USP20: variants seen among roughly 807,000 people sequenced by gnomAD.
USP20 encodes ubiquitin carboxyl-terminal hydrolase 20.
USP20 carries 80 observed loss-of-function variants against 124.2 expected under a neutral mutation model. The observed-to-expected ratio is 0.64, with a 90% confidence interval of 0.54 to 0.78. USP20 has a LOEUF of 0.78. Among genes scored for constraint, USP20 ranks in the 30% least tolerant of loss-of-function variants. The pLI is 0.00. For missense variants in USP20, 1,043 were observed against 1,244.4 expected (o/e 0.84, Z 2.44); for synonymous variants, 481 against 512.3 (o/e 0.94, Z 0.83).
At chr9:129,862,414 G>C (rs187607853) in intron 8 of USP20, among the ~76,000 whole-genome samples, 464 of 152,216 alleles carry the variant, frequency 3.0e-3, no homozygotes, top group Middle Eastern at 0.01. Flanking sequence ...CTAGCTGGAC[G>C]TGGTGGCACG....
At chr9:129,837,086 C>T (rs2031899569) in intron 1 of USP20, among the ~76,000 whole-genome samples, 2 of 152,196 alleles carry the variant, frequency 1.3e-5, no homozygotes, top group African/African-American at 4.8e-5. Flanking sequence ...CAGTGATAAC[C>T]ACCACCTGTG....
At chr9:129,867,387 CA>C (rs2033870075) in intron 10 of USP20, among the ~76,000 whole-genome samples, 1 of 152,164 alleles carries the variant, frequency 6.6e-6, no homozygotes, top group South Asian at 2.1e-4. Context: ...AGGCAGCCTG[CA>C]GGGGCAGCTT....
In USP20 at chr9:129,873,690, C is replaced by T. The variant is rs1398651206; in HGVS notation, c.1695-9C>T. The T allele has an allele frequency of 1.2e-6, 2 of 1,613,610 alleles. No homozygotes were observed. Among genetic ancestry groups the T allele is most frequent in the Non-Finnish European group, 1.7e-6 (2 of 1,180,026 alleles). On this transcript the variant is annotated splice_polypyrimidine_tract_variant and intron_variant, in intron 16 of 25. Transcript: ENST00000372429. ...CGGACACTGATGCTGGCTCGTGCTT[C>T]CTCCCCAGGCTGCGGAACGGAGTGA...
In USP20 at chr9:129,868,463, G is replaced by A. The variant is rs752344729; in HGVS notation, c.1135+14G>A. ...GCCGGACGCCAGGTATCAGCTGGCC[G>A]GGGACTGCGGGAGGAACCTCAGCCT... On this transcript the variant is annotated intron_variant, in intron 11 of 25. Coordinates refer to ENST00000372429, the MANE Select transcript of USP20 (RefSeq NM_001110303.4). 194 of 1,604,154 alleles carry A rather than the reference G, an allele frequency of 1.2e-4. No individual in the cohort carries two copies. The highest frequency in any genetic ancestry group is 1.4e-4 in the Non-Finnish European group (164 of 1,174,842).
In USP20 at chr9:129,880,176, G is replaced by A. The variant is rs762371533; in HGVS notation, c.2648G>A (p.Gly883Asp). The A allele has an allele frequency of 8.1e-6, 13 of 1,613,814 alleles. No individual in the cohort carries two copies. The highest frequency in any genetic ancestry group is 1.6e-4 in the Middle Eastern group (1 of 6,084). Residue 883 changes from glycine to aspartate, a missense_variant, in exon 25 of 26, where the codon GGC becomes GAC. Physicochemically the swap from Gly to Asp is moderately conservative, Grantham distance 94. Transcript: ENST00000372429. The stretch of plus-strand genomic sequence containing the variant: ...TACCTGAACAGCCTGTATGGAGGTG[G>A]CCCCGAGATTGCCATCCGCCAGAGT... ...WTYLNSLYGG[G>D]PEIAIRQSVA...
chr9:129,862,156 G>A (rs2033580389), intron 8 of USP20, among the ~76,000 whole-genome samples: 1 of 152,182 alleles, frequency 6.6e-6, no homozygotes, highest in African/African-American at 2.4e-5. Context: ...GAAGCAGAGA[G>A]GGAATGGGTA....
At chr9:129,836,462 GTC>G (rs1230848776) in intron 1 of USP20, among the ~76,000 whole-genome samples, 2 of 152,170 alleles carry the variant, frequency 1.3e-5, no homozygotes, top group African/African-American at 4.8e-5. Context: ...TTGCAGGTCA[GTC>G]TCTGCCGCAC....
At chr9:129,868,679 G>A (rs571637302) in intron 11 of USP20, among the ~76,000 whole-genome samples, 183 bp from the exon 12 acceptor site, 2 of 152,230 alleles carry the variant, frequency 1.3e-5, no homozygotes, top group African/African-American at 2.4e-5. Flanking sequence ...CCTTCCAGCC[G>A]GACATGGATT....
rs759714990 is a variant in USP20, at chr9:129,868,397, C to T, written c.1083C>T (p.Pro361=). ...DTAMAALDDQ[P]AEAQPPSPRS... is the part of the protein sequence containing the mutation. ...CCATGGCTGCCCTTGACGACCAGCC[C>T]GCGGAGGCCCAGCCCCCGTCACCAC... Residue 361 remains proline, a synonymous_variant, in exon 11 of 26, where the codon CCC becomes CCT. Coordinates refer to ENST00000372429, the MANE Select transcript of USP20 (RefSeq NM_001110303.4). 5.1e-5 allele frequency: 83 copies of T among 1,612,136 alleles called. No individual in the cohort carries two copies. Among genetic ancestry groups the T allele is most frequent in the Non-Finnish European group, 6.0e-5 (71 of 1,179,526 alleles).
intron 3 of USP20, among the ~76,000 whole-genome samples, chr9:129,854,692 A>T (rs1280318218): frequency 6.6e-6 from 1 of 152,192 alleles, no homozygotes; most frequent in African/African-American, 2.4e-5. Flanking sequence ...TCAAAAAATC[A>T]TGAGAGAGAT....
chr9:129,864,718 A>G (rs2011557), intron 9 of USP20, among the ~76,000 whole-genome samples: 130,381 of 148,602 alleles, frequency 0.88, 57,595 homozygotes, highest in East Asian at 1. Flanking sequence ...AGGTTGCAGC[A>G]AGCCAAGATC....
At chr9:129,858,696 C>A (rs916039831) in intron 6 of USP20, 98 bp downstream of exon 6, 1 of 1,520,722 alleles carries the variant, frequency 6.6e-7, no homozygotes, top group South Asian at 1.3e-5. Flanking sequence ...GCAGTAGGTC[C>A]CAGAGGTGTC....
chr9:129,869,008 G>A lies in USP20; in HGVS notation c.1276+6G>A, dbSNP rs970386756. On this transcript the variant is annotated splice_donor_region_variant and intron_variant, in intron 12 of 25. Coordinates refer to ENST00000372429, the MANE Select transcript of USP20 (RefSeq NM_001110303.4). Reference sequence around the variant, plus strand: ...GTCGTACGTGCTCAAGAAAGGTTCGGGGGGCACGGGAGGGTGGGTCAGCTT... The same window carrying A: ...GTCGTACGTGCTCAAGAAAGGTTCGAGGGGCACGGGAGGGTGGGTCAGCTT... 6.3e-7 allele frequency: 1 copy of A among 1,599,280 alleles called. No individual in the cohort carries two copies. Among genetic ancestry groups the A allele is most frequent in the Non-Finnish European group, 8.5e-7 (1 of 1,171,328 alleles).
intron 3 of USP20, among the ~76,000 whole-genome samples, chr9:129,854,153 C>T (rs898335159): frequency 5.9e-5 from 9 of 152,084 alleles, no homozygotes; most frequent in African/African-American, 1.9e-4. Flanking sequence ...GAGACTGATC[C>T]CATTCATAGC....
In USP20 at chr9:129,875,290, G is replaced by A. The variant is rs376627183; in HGVS notation, c.2049-20G>A. The A allele has an allele frequency of 1.1e-5, 17 of 1,584,756 alleles. No individual in the cohort carries two copies. The highest frequency in any genetic ancestry group is 4.5e-5 in the South Asian group (4 of 88,526). On this transcript the variant is annotated intron_variant, in intron 19 of 25. Transcript: ENST00000372429. Reference sequence around the variant, plus strand: ...TGGCAGCCGTCAGGCACAGCTTCTCGCCCCCTCCTCACCCCACAGGAAGAG... The same window carrying A: ...TGGCAGCCGTCAGGCACAGCTTCTCACCCCCTCCTCACCCCACAGGAAGAG...
chr9:129,865,429 A>C, intron 10 of USP20, 48 bp downstream of exon 10: 2 of 1,602,312 alleles, frequency 1.2e-6, no homozygotes, highest in Middle Eastern at 1.7e-4. Context: ...ATGACCCACC[A>C]GGCCTGACTT....
At chr9:129,836,273 G>T (rs2031827791) in intron 1 of USP20, among the ~76,000 whole-genome samples, 1 of 152,204 alleles carries the variant, frequency 6.6e-6, no homozygotes, top group African/African-American at 2.4e-5. Flanking sequence ...CTTACTTTGA[G>T]AACTACCTCT....
rs554564051 is a variant in USP20 at position 129,881,355 on chromosome 9, A to T, written c.*905A>T. 5 of 152,428 alleles carry T rather than the reference A, an allele frequency of 3.3e-5. No individual in the cohort carries two copies. Among genetic ancestry groups the T allele is most frequent in the African/African-American group, 1.2e-4 (5 of 41,590 alleles). 9.4% of individuals were successfully genotyped at this position (152,428 alleles called of 1,614,324 possible). A position where few individuals can be genotyped will look rare whatever the true frequency, so the allele number is the denominator to read the frequency against. On this transcript the variant is annotated 3_prime_UTR_variant, in exon 26 of 26. Transcript: ENST00000372429. ...GGGGGCTGTGCAGGGTGCAGCGCTC[A>T]GGTGGATCCTGGGAAGCAGCCTCTG...
At chr9:129,840,662 G>A (rs2032148715) in intron 1 of USP20, among the ~76,000 whole-genome samples, 1 of 152,050 alleles carries the variant, frequency 6.6e-6, no homozygotes, top group Non-Finnish European at 1.5e-5. Context: ...GTAGGAGTAA[G>A]CTGCAGACAT....
Sources: gnomAD v4.1 joint callset for allele counts (sites outside exome capture counted in the v4.1 genomes callset) on GRCh38, gnomAD v4.1.1 for gene constraint, MANE v1.5 for transcripts, NCBI Gene and HGNC (gene_info 2026-07-23, HGNC 2026-07-21) for gene names.